The following ACER2 variants were observed in gnomAD, a reference collection of about 807,000 sequenced individuals.
The protein encoded by ACER2 is alkaline ceramidase 2, also known as alkCDase 2.
Under a neutral mutation model 34.7 loss-of-function variants are expected in ACER2, and 26 were observed. The observed-to-expected ratio is 0.75, with a 90% CI of 0.55 to 1.04. The LOEUF is 1.04. Ranked by LOEUF, ACER2 falls within the 50% of genes least tolerant of loss-of-function variation. The pLI is 0.00. For synonymous variants in ACER2, 138 were observed against 132.1 expected, an observed-to-expected ratio of 1.04 and a Z score of -0.31; for missense variants, 352 against 340.8, an observed-to-expected ratio of 1.03 and a Z score of -0.26.
At chr9:19,432,109 C>T (rs1830773298) in intron 3 of ACER2, among the ~76,000 whole-genome samples, 1 of 152,190 alleles carries the variant, frequency 6.6e-6, no homozygotes, top group South Asian at 2.1e-4. Context: ...CCACTTCCGG[C>T]TCTTTCTACT....
At chr9:19,432,727 C>T (rs1830797245) in intron 3 of ACER2, among the ~76,000 whole-genome samples, 1 of 147,124 alleles carries the variant, frequency 6.8e-6, no homozygotes, top group South Asian at 2.1e-4. Flanking sequence ...AATATATATT[C>T]TTTACACATA....
intron 4 of ACER2, among the ~76,000 whole-genome samples, chr9:19,440,897 C>G (rs939365778): frequency 1.3e-5 from 2 of 152,154 alleles, no homozygotes; most frequent in African/African-American, 2.4e-5. Flanking sequence ...AACCCAGATT[C>G]CTGATCTGCC....
At chr9:19,446,729 C>G in intron 5 of ACER2, 2 of 763,816 alleles carry the variant, frequency 2.6e-6, no homozygotes, top group South Asian at 6.0e-5. Flanking sequence ...TGAGCTCTAG[C>G]TAGGTGTTGG....
intron 3 of ACER2, among the ~76,000 whole-genome samples, chr9:19,434,294 C>T (rs1338013063): frequency 6.6e-6 from 1 of 151,328 alleles, no homozygotes; most frequent in African/African-American, 2.4e-5. Flanking sequence ...CCAGACTGGG[C>T]AGCCAGGCAG....
At chr9:19,424,632 T>G (rs924036602) in intron 2 of ACER2, 68 bp from the exon 3 acceptor site, 154 of 1,601,870 alleles carry the variant, frequency 9.6e-5, no homozygotes, top group Non-Finnish European at 1.3e-4. Flanking sequence ...AGGACTATCC[T>G]TAAGCAGTGT....
At chr9:19,419,766 C>G (rs1830345329) in intron 1 of ACER2, among the ~76,000 whole-genome samples, 2 of 152,122 alleles carry the variant, frequency 1.3e-5, no homozygotes, top group Admixed American at 6.6e-5. Context: ...GACTCCATCT[C>G]AAAACAAAGC....
In ACER2 at chr9:19,450,487, G is replaced by A. The variant is rs1472917226; in HGVS notation, c.679G>A (p.Val227Ile). Residue 227 changes from valine to isoleucine, a missense_variant, in exon 6 of 6, where the codon GTA becomes ATA. Coordinates refer to ENST00000340967, the MANE Select transcript of ACER2 (RefSeq NM_001010887.3). ...LICLAAYLGCVCFAYFDAASE... is the reference protein window; with the variant it reads ...LICLAAYLGCICFAYFDAASE... ...CTGCCTTGCTGCCTACCTGGGCTGT[G>A]TATGCTTTGCCTACTTTGATGCTGC... is the stretch of plus-strand genomic sequence containing the variant. The A allele has an allele frequency of 2.5e-6, 4 of 1,611,046 alleles. No homozygotes were observed. The highest frequency in any genetic ancestry group is 1.3e-5 in the African/African-American group (1 of 75,020).
At chr9:19,411,994 G>A (rs1157520300) in intron 1 of ACER2, among the ~76,000 whole-genome samples, 1 of 152,196 alleles carries the variant, frequency 6.6e-6, no homozygotes, top group African/African-American at 2.4e-5. Flanking sequence ...CAAGAGCATA[G>A]CACAGCTGAA....
intron 1 of ACER2, among the ~76,000 whole-genome samples, chr9:19,414,616 G>T (rs979944146): frequency 6.6e-6 from 1 of 152,104 alleles, no homozygotes; most frequent in Non-Finnish European, 1.5e-5. Flanking sequence ...TGAGCCACAT[G>T]GCAAAACCCT....
At chr9:19,430,276 A>G (rs1830712712) in intron 3 of ACER2, among the ~76,000 whole-genome samples, 1 of 152,168 alleles carries the variant, frequency 6.6e-6, no homozygotes, top group Admixed American at 6.5e-5. Flanking sequence ...CTATAAAAAT[A>G]TTTTGATGAT....
intron 1 of ACER2, among the ~76,000 whole-genome samples, chr9:19,420,595 G>T (rs552088057): frequency 6.6e-6 from 1 of 152,234 alleles, no homozygotes; most frequent in African/African-American, 2.4e-5. Flanking sequence ...AAATGCTGCT[G>T]TGGGAAAATG....
intron 1 of ACER2, among the ~76,000 whole-genome samples, chr9:19,415,904 G>T (rs1830227419): frequency 6.6e-6 from 1 of 152,098 alleles, no homozygotes; most frequent in Non-Finnish European, 1.5e-5. Flanking sequence ...TATCTAGGAT[G>T]AAAAGGTTTG....
At chr9:19,434,533 G>T (rs1311953784) in intron 3 of ACER2, among the ~76,000 whole-genome samples, 7 of 152,264 alleles carry the variant, frequency 4.6e-5, no homozygotes, top group Non-Finnish European at 8.8e-5. Flanking sequence ...CACCTCAGGA[G>T]GCCGAGGCTG....
intron 4 of ACER2, among the ~76,000 whole-genome samples, chr9:19,442,874 C>T (rs146598278): frequency 0.014 from 2,085 of 151,630 alleles, 49 homozygotes; most frequent in African/African-American, 0.048. Flanking sequence ...GCTCTGTCGC[C>T]CAGGCTGGAG....
chr9:19,438,753 TAAGAAA>T (rs1415273298), intron 4 of ACER2, among the ~76,000 whole-genome samples: 1 of 152,212 alleles, frequency 6.6e-6, no homozygotes, highest in African/African-American at 2.4e-5. Context: ...AATTTTGTTA[TAAGAAA>T]AGGGAAAGGG....
chr9:19,425,441 G>A (rs147492413), intron 3 of ACER2, among the ~76,000 whole-genome samples: 1 of 152,192 alleles, frequency 6.6e-6, no homozygotes, highest in African/African-American at 2.4e-5. Flanking sequence ...GGTTATACAG[G>A]TATTCATCCA....
At chr9:19,433,950 G>GCTGACCCCCCCACCT (rs1830851818) in intron 3 of ACER2, among the ~76,000 whole-genome samples, 1 of 151,730 alleles carries the variant, frequency 6.6e-6, no homozygotes, top group Non-Finnish European at 1.5e-5. Context: ...CGGGCAGGGG[G>GCTGACCCCCCCACCT]CTGACCCCCC....
chr9:19,448,330 C>T (rs980650761), intron 5 of ACER2, among the ~76,000 whole-genome samples: 3 of 151,916 alleles, frequency 2.0e-5, no homozygotes, highest in African/African-American at 7.3e-5. Flanking sequence ...TTTTTTTTAA[C>T]CAAATACTTA....
intron 5 of ACER2, among the ~76,000 whole-genome samples, chr9:19,448,667 A>G (rs1394892328): frequency 6.6e-6 from 1 of 152,198 alleles, no homozygotes; most frequent in Non-Finnish European, 1.5e-5. Context: ...ACACTTTCAC[A>G]TATACTGGAA....
Sources: gnomAD v4.1 joint callset for allele counts (sites outside exome capture counted in the v4.1 genomes callset) on GRCh38, gnomAD v4.1.1 for gene constraint, MANE v1.5 for transcripts, NCBI Gene and HGNC (gene_info 2026-07-23, HGNC 2026-07-21) for gene names.